Variants in PTPN14 observed in about 807,000 individuals in gnomAD.
The protein encoded by PTPN14 is protein tyrosine phosphatase non-receptor type 14, also known as tyrosine-protein phosphatase non-receptor type 14.
PTPN14 carries 53 observed loss-of-function variants against 126.8 expected under a neutral mutation model. The ratio of observed to expected loss-of-function variants is 0.42; its 90% confidence interval spans 0.34 to 0.53. The LOEUF is 0.53. Among genes scored for constraint, PTPN14 ranks in the 20% least tolerant of loss-of-function variants. The probability of loss-of-function intolerance (pLI) is 0.08; values close to 1 mark genes in which losing one functional copy is unlikely to be tolerated. For missense variants in PTPN14, 1,257 were observed against 1,552.9 expected (o/e 0.81, Z 3.20); for synonymous variants, 630 against 599.3 (o/e 1.05, Z -0.75).
At chr1:214,511,231 T>C (rs956371436) in intron 1 of PTPN14, among the ~76,000 whole-genome samples, 4 of 151,868 alleles carry the variant, frequency 2.6e-5, no homozygotes, top group South Asian at 2.1e-4. Flanking sequence ...ACCTTTTGCC[T>C]CTCTGTGCAA....
rs142700137 is a variant in PTPN14 at position 214,434,610 on chromosome 1, A to T, written c.344+17195T>A. On this transcript the variant is annotated intron_variant, in intron 3 of 18. Transcript: ENST00000366956. ...AAATATTTTGTGGTTAATTTTTAAT[A>T]TAGAAAAAGCAAAGTGTGGTTGGAA... 4.2e-3 allele frequency among the ~76,000 whole-genome samples: 643 copies of T among 152,364 alleles called. 6 individuals are homozygous for T. Among genetic ancestry groups the T allele is most frequent in the Middle Eastern group, 0.017 (5 of 294 alleles).
chr1:214,404,435 C>T (rs1268870412), intron 5 of PTPN14, among the ~76,000 whole-genome samples: 2 of 152,168 alleles, frequency 1.3e-5, no homozygotes, highest in African/African-American at 4.8e-5. Context: ...ACAAAGATAT[C>T]ACAAGGCTTA....
At chr1:214,480,577 A>T (rs536532120) in intron 1 of PTPN14, among the ~76,000 whole-genome samples, 1 of 152,234 alleles carries the variant, frequency 6.6e-6, no homozygotes, top group Non-Finnish European at 1.5e-5. Flanking sequence ...AATCTTAGGC[A>T]TGGCCCTGGG....
Position 214,476,109 on chromosome 1 carries a change from C to T in PTPN14, c.-154-11152G>A, listed in dbSNP as rs78244957. Among the ~76,000 whole-genome samples, 712 of 152,282 alleles carry T rather than the reference C, an allele frequency of 4.7e-3. 9 individuals are homozygous for T. The highest frequency in any genetic ancestry group is 0.016 in the African/African-American group (667 of 41,536). On this transcript the variant is annotated intron_variant, in intron 1 of 18. Transcript: ENST00000366956. ...CAATTTCAGCCCAAGGAAGCTCTAT[C>T]CAGAAGGCATGGTGGCAGAATCAGG...
At position 214,364,762 on chromosome 1, in the gene PTPN14, G is replaced by GGTGTGTGTGTGT; in HGVS notation, c.3272-88_3272-87insACACACACACAC. 7.0e-6 allele frequency: 5 copies of GGTGTGTGTGTGT among 714,506 alleles called. No individual in the cohort carries two copies. The highest frequency in any genetic ancestry group is 4.0e-5 in the East Asian group (1 of 25,056). The allele number at this position is 714,506 out of a possible 1,614,324, so 44.3% of individuals were successfully genotyped here. On this transcript the variant is annotated intron_variant, in intron 17 of 18. Coordinates refer to ENST00000366956, the MANE Select transcript of PTPN14 (RefSeq NM_005401.5). This position sits in a 1 kb window ranked among gnomAD's most constrained non-coding sequence, Gnocchi z 4.1. The stretch of plus-strand genomic sequence containing the variant: ...GAGGGGGGAGCGGAAGAGAACTGAT[G>GGTGTGTGTGTGT]GTGAGTGTGTGTGTGTGTGTGTGTG...
At chr1:214,549,972 T>C (rs1479756648) in intron 1 of PTPN14, among the ~76,000 whole-genome samples, 2 of 152,230 alleles carry the variant, frequency 1.3e-5, no homozygotes, top group Non-Finnish European at 2.9e-5. Flanking sequence ...GGAAACTTTC[T>C]GTCCTTCTTG....
intron 1 of PTPN14, among the ~76,000 whole-genome samples, chr1:214,537,774 T>C (rs1010080349): frequency 2.0e-5 from 3 of 152,204 alleles, no homozygotes; most frequent in Non-Finnish European, 4.4e-5. Context: ...TAAGAGTAGT[T>C]TGATAACCAT....
intron 1 of PTPN14, among the ~76,000 whole-genome samples, chr1:214,545,560 C>A (rs1042437604): frequency 2.0e-5 from 3 of 152,136 alleles, no homozygotes; most frequent in Middle Eastern, 3.2e-3. Flanking sequence ...CAAACCACAG[C>A]AATGCTCTTG....
intron 1 of PTPN14, among the ~76,000 whole-genome samples, chr1:214,510,064 T>C (rs546690080): frequency 4.0e-4 from 61 of 152,314 alleles, no homozygotes; most frequent in African/African-American, 1.4e-3. Flanking sequence ...CTGAGGTAAC[T>C]GTAGGGTTCT....
intron 1 of PTPN14, among the ~76,000 whole-genome samples, chr1:214,543,049 G>A (rs1024513037): frequency 3.9e-5 from 6 of 152,166 alleles, no homozygotes; most frequent in Non-Finnish European, 5.9e-5. Context: ...TGCGTGAGCT[G>A]GCAAATCTGC....
At chr1:214,361,040 G>T (rs1473854063) in intron 18 of PTPN14, among the ~76,000 whole-genome samples, 1 of 152,122 alleles carries the variant, frequency 6.6e-6, no homozygotes, top group Non-Finnish European at 1.5e-5. Context: ...CACCATGATT[G>T]TAAGTTTCCT....
intron 3 of PTPN14, among the ~76,000 whole-genome samples, chr1:214,448,089 T>C (rs1394077058): frequency 6.6e-6 from 1 of 152,264 alleles, no homozygotes; most frequent in Non-Finnish European, 1.5e-5. Context: ...TGTTTTAGTC[T>C]ATGAATGCAA....
chr1:214,410,362 T>G lies in PTPN14; in HGVS notation c.510+1322A>C, dbSNP rs547264957. On this transcript the variant is annotated intron_variant, in intron 5 of 18. Transcript: ENST00000366956. The stretch of plus-strand genomic sequence containing the variant: ...CAGGCTGGAGTGCAGTGGCACAATC[T>G]CGGCTCACTGCAACCTCCACCAGGG... Among the ~76,000 whole-genome samples, 4 of 151,094 alleles carry G rather than the reference T, an allele frequency of 2.6e-5. No homozygotes were observed. In the South Asian group the frequency reaches 8.4e-4, roughly 32 times the overall value.
At chr1:214,523,881 G>A (rs932430998) in intron 1 of PTPN14, among the ~76,000 whole-genome samples, 8 of 136,528 alleles carry the variant, frequency 5.9e-5, no homozygotes, top group African/African-American at 2.0e-4. Context: ...ATAGAGTCTT[G>A]CTCTGTCACC....
chr1:214,464,383 C>T (rs1660579993), intron 2 of PTPN14, among the ~76,000 whole-genome samples: 1 of 152,078 alleles, frequency 6.6e-6, no homozygotes, highest in South Asian at 2.1e-4. Flanking sequence ...AAACCTCTTC[C>T]CCAGCTGAAA....
chr1:214,457,818 C>T (rs1348940896), intron 2 of PTPN14, among the ~76,000 whole-genome samples: 4 of 152,108 alleles, frequency 2.6e-5, no homozygotes, highest in Non-Finnish European at 5.9e-5. Context: ...ACTATGTCTT[C>T]AAAATCTGAT....
intron 1 of PTPN14, among the ~76,000 whole-genome samples, chr1:214,467,440 G>A (rs1243819866): frequency 3.3e-5 from 5 of 152,182 alleles, no homozygotes; most frequent in Non-Finnish European, 7.3e-5. Flanking sequence ...GGCTGGCTTG[G>A]TACGCATTTA....
chr1:214,386,762 ATC>A, intron 12 of PTPN14, 80 bp downstream of exon 12: 1 of 1,333,942 alleles, frequency 7.5e-7, no homozygotes, highest in Admixed American at 2.0e-5. Context: ...CATCCCTGTC[ATC>A]TTTTTTTTAA....
rs1659053585 is a variant in PTPN14, at chr1:214,402,659, A to AGGGAGGGAGGGAGGGAGGG, written c.581+223_581+224insCCCTCCCTCCCTCCCTCCC. On this transcript the variant is annotated intron_variant, in intron 6 of 18. Transcript: ENST00000366956. ...GAAGGAAGGAAGGAAGGAAGGAAGG[A>AGGGAGGGAGGGAGGGAGGG]AGGAAGGAAGGAAGGAAGGGAGGGA... Among the ~76,000 whole-genome samples the AGGGAGGGAGGGAGGGAGGG allele has an allele frequency of 0.027, 7 of 260 alleles. No homozygotes were observed. The South Asian group carries it at 0.3, about 11-fold the overall frequency. 0.2% of individuals were successfully genotyped at this position (260 alleles called of 152,430 possible). A position where few individuals can be genotyped will look rare whatever the true frequency, so the allele number is the denominator to read the frequency against.
Sources: allele counts gnomAD v4.1 joint callset (sites outside exome capture counted in the v4.1 genomes callset), GRCh38; gene constraint gnomAD v4.1.1; non-coding constraint Gnocchi (gnomAD v3.1); transcripts MANE v1.5; gene names NCBI Gene and HGNC (gene_info 2026-07-23, HGNC 2026-07-21).